Variants in ROBO1 observed in about 807,000 individuals in gnomAD.
ROBO1 encodes roundabout guidance receptor 1.
A neutral mutation model predicts 195.9 loss-of-function variants in ROBO1; 149 were observed. The ratio of observed to expected loss-of-function variants is 0.76; its 90% CI spans 0.67 to 0.87. ROBO1 has a LOEUF of 0.87. Among genes scored for constraint, ROBO1 ranks in the 40% least tolerant of loss-of-function variants. The probability of loss-of-function intolerance (pLI) is 0.00; values close to 1 mark genes in which losing one functional copy is unlikely to be tolerated. For missense variants in ROBO1, 1,933 were observed against 2,068.3 expected (o/e 0.93, Z 1.27); for synonymous variants, 816 against 733.2 (o/e 1.11, Z -1.82).
chr3:78,711,284 C>CCTTT (rs577151304), intron 8 of ROBO1, among the ~76,000 whole-genome samples: 2 of 149,162 alleles, frequency 1.3e-5, no homozygotes, highest in African/African-American at 2.5e-5. Context: ...TCTTTCTTTC[C>CCTTT]CTTTCTTTCT....
At position 78,651,801 on chromosome 3, in the gene ROBO1, T is replaced by G. The variant is rs752534979; in HGVS notation, c.2743A>C (p.Ser915Arg). Residue 915 changes from serine (S) to arginine (R), a missense_variant, in exon 19 of 31, where the codon AGC becomes CGC. Physicochemically the swap from Ser to Arg is moderately radical, Grantham distance 110 (BLOSUM62 -1). Coordinates refer to ENST00000464233, the MANE Select transcript of ROBO1 (RefSeq NM_002941.4). ...TTGCGGTGTCGATAAAGCCAGATGC[T>G]GAAGACCATGAGGATGATCCAACAG... ...AACWIILMVFSIWLYRHRKKR... is the reference protein window; with the variant it reads ...AACWIILMVFRIWLYRHRKKR... The G allele has an allele frequency of 6.2e-7, 1 of 1,613,726 alleles. No homozygotes were observed. The highest frequency in any genetic ancestry group is 8.5e-7 in the Non-Finnish European group (1 of 1,179,698).
In ROBO1 at chr3:78,626,776, C is replaced by G. The variant is rs929833442; in HGVS notation, c.3875+545G>C. On this transcript the variant is annotated intron_variant, in intron 26 of 30. Transcript: ENST00000464233. ...ACACATACACACACACACACACACA[C>G]ACACACACTATATAATAATCTGACT... 3.3e-5 allele frequency among the ~76,000 whole-genome samples: 5 copies of G among 151,938 alleles called. No individual in the cohort carries two copies. In the South Asian group the frequency reaches 1.0e-3, roughly 32 times the overall value.
chr3:78,698,805 C>G (rs564214748), intron 8 of ROBO1, among the ~76,000 whole-genome samples: 17 of 152,278 alleles, frequency 1.1e-4, no homozygotes, highest in African/African-American at 4.1e-4. Context: ...TGCACAATGC[C>G]TGACCTATCA....
At chr3:78,906,088 T>C (rs2037891913) in intron 4 of ROBO1, among the ~76,000 whole-genome samples, 1 of 152,192 alleles carries the variant, frequency 6.6e-6, no homozygotes, top group South Asian at 2.1e-4. Flanking sequence ...TATATATTGC[T>C]ATTGCTAACA....
chr3:79,592,958 T>C (rs932693939), intron 1 of ROBO1, among the ~76,000 whole-genome samples: 2 of 152,068 alleles, frequency 1.3e-5, no homozygotes, highest in Admixed American at 1.3e-4. Flanking sequence ...AGTTCTGCCT[T>C]TCTTGGAATG....
At chr3:79,382,719 G>A (rs1278273663) in intron 2 of ROBO1, among the ~76,000 whole-genome samples, 1 of 152,052 alleles carries the variant, frequency 6.6e-6, no homozygotes, top group Admixed American at 6.6e-5. Context: ...ACATCCTGAA[G>A]TTTTTGGCCA....
At chr3:78,787,792 A>C (rs563983336) in intron 4 of ROBO1, among the ~76,000 whole-genome samples, 2 of 152,246 alleles carry the variant, frequency 1.3e-5, no homozygotes, top group Non-Finnish European at 2.9e-5. Flanking sequence ...TCTCCAAAAA[A>C]CAAAAAATCT....
At chr3:78,703,067 CA>C (rs1406991939) in intron 8 of ROBO1, among the ~76,000 whole-genome samples, 1 of 152,048 alleles carries the variant, frequency 6.6e-6, no homozygotes. Flanking sequence ...AAAGCAACCC[CA>C]AATCTTTTTT....
intron 4 of ROBO1, chr3:78,938,164 C>T (rs193042394): frequency 2.7e-4 from 44 of 162,718 alleles, no homozygotes; most frequent in Admixed American, 2.3e-3. Context: ...AGGAGGTCAC[C>T]GTACTGACAC....
At chr3:79,714,705 T>C (rs975683410) in intron 1 of ROBO1, among the ~76,000 whole-genome samples, 1 of 151,936 alleles carries the variant, frequency 6.6e-6, no homozygotes, top group East Asian at 1.9e-4. Context: ...TGTAGGGACA[T>C]GGCTGAAGCT....
intron 1 of ROBO1, among the ~76,000 whole-genome samples, chr3:79,708,533 C>T (rs115068260): frequency 6.6e-6 from 1 of 152,078 alleles, no homozygotes; most frequent in Non-Finnish European, 1.5e-5. Context: ...TTTGCCTCCT[C>T]TACATGAAGA....
intron 3 of ROBO1, among the ~76,000 whole-genome samples, chr3:79,058,345 T>A (rs765093206): frequency 2.0e-5 from 3 of 152,064 alleles, no homozygotes; most frequent in African/African-American, 4.8e-5. Flanking sequence ...CTACTTTGCA[T>A]AGGAGGTTCA....
At chr3:78,674,519 C>T (rs571214269) in intron 10 of ROBO1, among the ~76,000 whole-genome samples, 16 of 152,222 alleles carry the variant, frequency 1.1e-4, no homozygotes, top group Non-Finnish European at 2.1e-4. Flanking sequence ...ATAAAGCAAA[C>T]AAAACTTAAA....
At chr3:79,756,605 C>T (rs1704419353) in intron 1 of ROBO1, among the ~76,000 whole-genome samples, 1 of 149,386 alleles carries the variant, frequency 6.7e-6, no homozygotes, top group Non-Finnish European at 1.5e-5. Context: ...GTAAGGATGT[C>T]CAAGCAAAAA....
intron 3 of ROBO1, among the ~76,000 whole-genome samples, chr3:79,100,351 C>A (rs940044854): frequency 4.0e-4 from 61 of 151,746 alleles, no homozygotes; most frequent in African/African-American, 1.4e-3. Context: ...TGGCTAGCAA[C>A]ATAATCAATT....
At chr3:79,189,911 T>C (rs2081507487) in intron 2 of ROBO1, among the ~76,000 whole-genome samples, 1 of 151,700 alleles carries the variant, frequency 6.6e-6, no homozygotes, top group South Asian at 2.1e-4. Context: ...GAGAATACAC[T>C]AAATGGATTT....
At chr3:78,961,943 T>A (rs1055623310) in intron 3 of ROBO1, among the ~76,000 whole-genome samples, 1 of 149,474 alleles carries the variant, frequency 6.7e-6, no homozygotes, top group East Asian at 1.9e-4. Context: ...TGTTTTTTGT[T>A]TTTTTTTTTT....
intron 2 of ROBO1, among the ~76,000 whole-genome samples, chr3:79,426,870 CA>C (rs1243794322): frequency 6.6e-6 from 1 of 151,980 alleles, no homozygotes; most frequent in African/African-American, 2.4e-5. Flanking sequence ...AATGAAAAAA[CA>C]AGTAATTCTG....
At chr3:79,670,474 C>T (rs376215447) in intron 1 of ROBO1, among the ~76,000 whole-genome samples, 18 of 151,866 alleles carry the variant, frequency 1.2e-4, no homozygotes, top group African/African-American at 4.1e-4. Context: ...TTGATGGCAA[C>T]GTTCAAAATG....
Sources: gnomAD v4.1 joint callset for allele counts (sites outside exome capture counted in the v4.1 genomes callset) on GRCh38, gnomAD v4.1.1 for gene constraint, MANE v1.5 for transcripts, NCBI Gene and HGNC (gene_info 2026-07-23, HGNC 2026-07-21) for gene names.